Variants in CEP152 observed in about 807,000 individuals in gnomAD.
The protein encoded by CEP152 is centrosomal protein of 152 kDa.
Under a neutral mutation model 188.9 loss-of-function variants are expected in CEP152, and 132 were observed. The ratio of observed to expected loss-of-function variants is 0.70; its 90% CI spans 0.61 to 0.81. The LOEUF is 0.81. CEP152 is among the 30% of genes least tolerant of loss of function. The pLI, the probability that CEP152 is intolerant of heterozygous loss-of-function variation, is 0.00. For missense variants in CEP152, 1,914 were observed against 1,969.8 expected, an observed-to-expected ratio of 0.97 and a Z score of 0.54; for synonymous variants, 649 against 666.6, an observed-to-expected ratio of 0.97 and a Z score of 0.41.
intron 22 of CEP152, among the ~76,000 whole-genome samples, chr15:48,747,584 G>A (rs1555416837): frequency 1.3e-5 from 2 of 152,198 alleles, no homozygotes; most frequent in South Asian, 2.1e-4. Context: ...CATCTTCTGA[G>A]TTGAATCCTA....
intron 9 of CEP152, among the ~76,000 whole-genome samples, chr15:48,784,648 G>C (rs1291754255): frequency 6.6e-6 from 1 of 152,052 alleles, no homozygotes; most frequent in Non-Finnish European, 1.5e-5. Flanking sequence ...TTTTAAACTT[G>C]ATCTGTTTCT....
At chr15:48,749,352 G>C (rs1374723515) in intron 21 of CEP152, among the ~76,000 whole-genome samples, 1 of 151,980 alleles carries the variant, frequency 6.6e-6, no homozygotes, top group African/African-American at 2.4e-5. Context: ...AGTAAAGACT[G>C]GATCAAGCAA....
At chr15:48,736,903 A>C (rs893775642), downstream of CEP152, among the ~76,000 whole-genome samples, 1 of 152,198 alleles carries the variant, frequency 6.6e-6, no homozygotes, top group Non-Finnish European at 1.5e-5. Flanking sequence ...ATCCATAGGG[A>C]GCATAAACTT....
chr15:48,801,124 G>A (rs957862385), intron 2 of CEP152, among the ~76,000 whole-genome samples: 6 of 152,070 alleles, frequency 3.9e-5, no homozygotes, highest in African/African-American at 1.2e-4. Flanking sequence ...AATACCTAAC[G>A]GTCATATTCC....
At chr15:48,760,623 A>G (rs1469803641) in intron 18 of CEP152, among the ~76,000 whole-genome samples, 2 of 152,136 alleles carry the variant, frequency 1.3e-5, no homozygotes, top group Non-Finnish European at 2.9e-5. Context: ...CTGCTGTCTA[A>G]TCACTACACC....
At chr15:48,773,797 TTG>T (rs1470382939) in intron 12 of CEP152, among the ~76,000 whole-genome samples, 1 of 152,286 alleles carries the variant, frequency 6.6e-6, no homozygotes, top group East Asian at 1.9e-4. Context: ...TCCAAGTAAC[TTG>T]TGTGTCACAG....
chr15:48,759,486 T>A (rs1894522497), intron 19 of CEP152, among the ~76,000 whole-genome samples: 1 of 152,220 alleles, frequency 6.6e-6, no homozygotes, highest in Non-Finnish European at 1.5e-5. Context: ...GAATTCTATT[T>A]TTGTGACTCA....
intron 1 of CEP152, among the ~76,000 whole-genome samples, chr15:48,806,578 A>G (rs545071498): frequency 4.0e-4 from 61 of 152,290 alleles, no homozygotes; most frequent in Non-Finnish European, 7.9e-4. Flanking sequence ...CTGAGCCACA[A>G]CTCATTCACT....
intron 2 of CEP152, among the ~76,000 whole-genome samples, chr15:48,800,582 C>T (rs1897609778): frequency 6.6e-6 from 1 of 152,190 alleles, no homozygotes; most frequent in South Asian, 2.1e-4. Context: ...AAAGATCTAT[C>T]AAACTTCCAA....
chr15:48,793,020 C>T (rs1358756529), intron 7 of CEP152, among the ~76,000 whole-genome samples: 2 of 152,086 alleles, frequency 1.3e-5, no homozygotes, highest in African/African-American at 2.4e-5. Flanking sequence ...CAGGGTTTCA[C>T]CATGTTGGCC....
intron 1 of CEP152, among the ~76,000 whole-genome samples, chr15:48,807,770 C>G (rs1283624877): frequency 1.3e-5 from 2 of 152,106 alleles, no homozygotes; most frequent in African/African-American, 2.4e-5. Context: ...CCTTTATTAA[C>G]CTGCCATCAA....
At chr15:48,789,277 T>C (rs1896863188) in intron 8 of CEP152, 2 of 482,222 alleles carry the variant, frequency 4.1e-6, no homozygotes, top group African/African-American at 1.9e-5. Context: ...GCATGATGGA[T>C]GTGGCTATCA....
chr15:48,749,001 C>T (rs985197034), intron 21 of CEP152, among the ~76,000 whole-genome samples: 2 of 151,886 alleles, frequency 1.3e-5, no homozygotes, highest in African/African-American at 4.8e-5. Context: ...TCTTCCTATG[C>T]CAGAAAGTAA....
At chr15:48,781,455 G>A in intron 11 of CEP152, 96 bp from the exon 12 acceptor site, 2 of 978,654 alleles carry the variant, frequency 2.0e-6, no homozygotes, top group Non-Finnish European at 1.5e-6. Context: ...ATCAACAGGA[G>A]GCAAAAAAAC....
chr15:48,759,891 G>T (rs1027262785), intron 19 of CEP152, among the ~76,000 whole-genome samples: 1 of 152,154 alleles, frequency 6.6e-6, no homozygotes, highest in East Asian at 1.9e-4. Context: ...TCTAAAGATA[G>T]GGCAAGATAG....
chr15:48,746,270 A>G (rs960700654), intron 22 of CEP152, among the ~76,000 whole-genome samples: 1 of 152,144 alleles, frequency 6.6e-6, no homozygotes, highest in African/African-American at 2.4e-5. Context: ...ATTATTTGCA[A>G]GTCTACGAGT....
rs200379265 is a variant in CEP152 at position 48,797,480 on chromosome 15, G to T, written c.361C>A (p.Pro121Thr). The change falls in exon 5 of 27, where the codon CCT becomes ACT. Residue 121 changes from proline (P) to threonine (T), a missense_variant. Transcript: ENST00000380950. ...KTEDRHPVYH[P>T]EEGGDEGGSG... is the part of the protein sequence containing the mutation. ...CCACCTTCATCTCCACCTTCTTCAGGATGGTACACAGGATGTCGGTCTTCA... is the reference window on the plus strand; with the variant it reads ...CCACCTTCATCTCCACCTTCTTCAGTATGGTACACAGGATGTCGGTCTTCA... 1 of 1,614,084 alleles carries T rather than the reference G, an allele frequency of 6.2e-7. No homozygotes were observed. The highest frequency in any genetic ancestry group is 2.2e-5 in the East Asian group (1 of 44,866).
chr15:48,744,969 C>A lies in CEP152; in HGVS notation c.3658G>T (p.Glu1220Ter), dbSNP rs765626502. Reference sequence around the variant, plus strand: ...ATGTCGTTGTTTTCTTCTATTAATTCTTCAACAACTTTATTATTCTCTTCT... The same window carrying A: ...ATGTCGTTGTTTTCTTCTATTAATTATTCAACAACTTTATTATTCTCTTCT... ...IGEENNKVVE[E>*]LIEENNDMKN... The change falls in exon 23 of 27, where the codon GAA (glutamate) becomes TAA (stop). Residue 1220 changes from glutamate to a stop codon, truncating the protein, a stop_gained. Transcript: ENST00000380950. LOFTEE classifies it high-confidence loss of function. The A allele has an allele frequency of 3.0e-5, 48 of 1,606,126 alleles. No individual in the cohort carries two copies. The highest frequency in any genetic ancestry group is 3.8e-5 in the Non-Finnish European group (45 of 1,176,438).
At chr15:48,770,731 G>A (rs1401319739) in intron 13 of CEP152, among the ~76,000 whole-genome samples, 6 of 152,182 alleles carry the variant, frequency 3.9e-5, no homozygotes, top group Admixed American at 3.9e-4. Context: ...TGTGCAGGGG[G>A]CAGGGCGGGG....
Sources: allele counts gnomAD v4.1 joint callset (sites outside exome capture counted in the v4.1 genomes callset), GRCh38; gene constraint gnomAD v4.1.1; transcripts MANE v1.5; gene names NCBI Gene and HGNC (gene_info 2026-07-23, HGNC 2026-07-21).